RALGDS: variants seen among roughly 807,000 people sequenced by gnomAD.
The protein encoded by RALGDS is ral guanine nucleotide dissociation stimulator, also known as ral guanine nucleotide exchange factor.
In RALGDS, 44 loss-of-function variants were observed where a neutral mutation model predicts 99.8. The ratio of observed to expected loss-of-function variants is 0.44; its 90% CI spans 0.35 to 0.57. The LOEUF (loss-of-function observed/expected upper bound fraction) is 0.57, where lower values mean the gene tolerates loss of function less well. Ranked by LOEUF, RALGDS falls within the 20% of genes least tolerant of loss-of-function variation. RALGDS has a pLI of 0.01. For missense variants in RALGDS, 1,022 were observed against 1,203.1 expected, an observed-to-expected ratio of 0.85 and a Z score of 2.23; for synonymous variants, 529 against 505.0, an observed-to-expected ratio of 1.05 and a Z score of -0.64.
rs947669416 is a variant in RALGDS, at chr9:133,108,410, C to G, written c.779-4G>C. On this transcript the variant is annotated splice_region_variant and splice_polypyrimidine_tract_variant and intron_variant, in intron 5 of 17. Coordinates refer to ENST00000372050, the MANE Select transcript of RALGDS (RefSeq NM_006266.4). The stretch of plus-strand genomic sequence containing the variant: ...AGAGCTGGCACTGGTGACAGAGCTG[C>G]AAGAGGAGAAAAGTTCAACAACATG... 1.3e-6 allele frequency: 2 copies of G among 1,535,776 alleles called. No homozygotes were observed. Among genetic ancestry groups the G allele is most frequent in the African/African-American group, 2.7e-5 (2 of 73,136 alleles).
At chr9:133,143,894 A>T (rs1832579050) in intron 1 of RALGDS, among the ~76,000 whole-genome samples, 1 of 151,634 alleles carries the variant, frequency 6.6e-6, no homozygotes, top group Admixed American at 6.5e-5. Context: ...CCTTTCGCTG[A>T]TGCCATGTGA....
chr9:133,144,339 G>T lies in RALGDS; in HGVS notation c.18+4624C>A, dbSNP rs1832587740. Among the ~76,000 whole-genome samples, 1 of 151,952 alleles carries T rather than the reference G, an allele frequency of 6.6e-6. No homozygotes were observed. Among genetic ancestry groups the T allele is most frequent in the Non-Finnish European group, 1.5e-5 (1 of 67,976 alleles). On this transcript the variant is annotated intron_variant, in intron 1 of 17. Coordinates refer to the RALGDS transcript ENST00000393160. The surrounding 1 kb of genome is among the most constrained non-coding windows in gnomAD (Gnocchi z 4.5). ...TTCCTTTCCGCCCCGCTGACACCAC[G>T]GTCTGCAAACCATGGTCCTCCTCGC...
chr9:133,135,225 C>T (rs1456077615), upstream of RALGDS, among the ~76,000 whole-genome samples: 3 of 152,210 alleles, frequency 2.0e-5, no homozygotes, highest in Non-Finnish European at 4.4e-5. Context: ...ACAGGACACA[C>T]CTGCCAAGGC....
At chr9:133,102,314 C>T (rs1194898298) in intron 14 of RALGDS, among the ~76,000 whole-genome samples, 162 bp downstream of exon 14, 1 of 152,194 alleles carries the variant, frequency 6.6e-6, no homozygotes, top group East Asian at 1.9e-4. Flanking sequence ...GAGGAGGAAA[C>T]TGAGGCCCAA....
At chr9:133,115,693 C>T (rs887843819) in intron 1 of RALGDS, among the ~76,000 whole-genome samples, 5 of 152,168 alleles carry the variant, frequency 3.3e-5, no homozygotes, top group Admixed American at 6.5e-5. Flanking sequence ...GACCTGATGG[C>T]GTGGTACCGG....
chr9:133,109,092 C>T lies in RALGDS; in HGVS notation c.585-226G>A, dbSNP rs941758325. 3.3e-5 allele frequency among the ~76,000 whole-genome samples: 5 copies of T among 152,236 alleles called. No individual in the cohort carries two copies. In the South Asian group the frequency reaches 6.2e-4, roughly 19 times the overall value. On this transcript the variant is annotated intron_variant, in intron 4 of 17. Transcript: ENST00000372050. ...TGCATGTCTCCCAGCACCCCCTCCTCGCTGGAATGTAAACTCCATGAGGGA... is the reference window on the plus strand; with the variant it reads ...TGCATGTCTCCCAGCACCCCCTCCTTGCTGGAATGTAAACTCCATGAGGGA...
chr9:133,107,811 C>T (rs1393531097), intron 6 of RALGDS, among the ~76,000 whole-genome samples, 177 bp downstream of exon 6: 4 of 152,192 alleles, frequency 2.6e-5, no homozygotes, highest in Non-Finnish European at 5.9e-5. Context: ...CTCATCTCTA[C>T]TGTCCAGAGG....
At position 133,144,718 on chromosome 9, in the gene RALGDS, C is replaced by T. The variant is rs928341531; in HGVS notation, c.18+4245G>A. On this transcript the variant is annotated intron_variant, in intron 1 of 17. Coordinates refer to the RALGDS transcript ENST00000393160. This position sits in a 1 kb window ranked among gnomAD's most constrained non-coding sequence, Gnocchi z 4.5. ...GATGTCTTCCGACTCCCCGCTGCTC[C>T]CCTAGTCCCCGTAGGCACGCGGGTA... Among the ~76,000 whole-genome samples the T allele has an allele frequency of 3.3e-5, 5 of 152,236 alleles. No homozygotes were observed. Among genetic ancestry groups the T allele is most frequent in the African/African-American group, 9.6e-5 (4 of 41,466 alleles).
At chr9:133,119,323 C>T (rs567855207) in intron 1 of RALGDS, among the ~76,000 whole-genome samples, 1 of 151,292 alleles carries the variant, frequency 6.6e-6, no homozygotes, top group South Asian at 2.1e-4. Context: ...CTCCCTTGGG[C>T]CCTTGGTAAA....
At chr9:133,141,163 T>C (rs1341230844) in intron 1 of RALGDS, among the ~76,000 whole-genome samples, 3 of 150,926 alleles carry the variant, frequency 2.0e-5, no homozygotes, top group Non-Finnish European at 4.4e-5. Flanking sequence ...GCACCGGGAG[T>C]TCCTGCAGAG....
chr9:133,149,025 G>A (rs954016705), exon 1 of RALGDS: 3 of 1,512,360 alleles, frequency 2.0e-6, no homozygotes, highest in African/African-American at 1.4e-5. Context: ...CGGGACCCGG[G>A]GCTCGCAGAG....
chr9:133,123,819 G>C (rs1288455161), upstream of RALGDS, among the ~76,000 whole-genome samples: 1 of 30,384 alleles, frequency 3.3e-5, no homozygotes, highest in African/African-American at 8.9e-5. Flanking sequence ...CACACAGAGA[G>C]ACAGAGACAC....
Position 133,144,862 on chromosome 9 carries a change from G to A in RALGDS, c.18+4101C>T, listed in dbSNP as rs1329947827. Among the ~76,000 whole-genome samples the A allele has an allele frequency of 6.6e-6, 1 of 152,220 alleles. No individual in the cohort carries two copies. Among genetic ancestry groups the A allele is most frequent in the Admixed American group, 6.5e-5 (1 of 15,286 alleles). On this transcript the variant is annotated intron_variant, in intron 1 of 17. Transcript: ENST00000393160. The surrounding 1 kb of genome is among the most constrained non-coding windows in gnomAD (Gnocchi z 4.5). ...TCTTATTTGGAAATAGGGTCTGTGCGGATAGAATCCGGATGAGGTCATACT... is the reference window on the plus strand; with the variant it reads ...TCTTATTTGGAAATAGGGTCTGTGCAGATAGAATCCGGATGAGGTCATACT...
chr9:133,121,290 G>C, upstream of RALGDS: 1 of 911,064 alleles, frequency 1.1e-6, no homozygotes, highest in Non-Finnish European at 1.3e-6. Context: ...GGCGGGGCCG[G>C]AGGGGAAGAG....
chr9:133,114,985 G>C (rs1164100463), intron 1 of RALGDS, among the ~76,000 whole-genome samples: 1 of 152,236 alleles, frequency 6.6e-6, no homozygotes, highest in Non-Finnish European at 1.5e-5. Context: ...ACAGGGCCTG[G>C]TGGTGTCTGG....
chr9:133,102,941 C>T lies in RALGDS; in HGVS notation c.1792-41G>A, dbSNP rs374025836. 407 of 1,609,590 alleles carry T rather than the reference C, an allele frequency of 2.5e-4. 1 individual carries two copies. The highest frequency in any genetic ancestry group is 2.6e-4 in the Non-Finnish European group (302 of 1,179,344). On this transcript the variant is annotated intron_variant, in intron 12 of 17. Coordinates refer to ENST00000372050, the MANE Select transcript of RALGDS (RefSeq NM_006266.4). ...AGCACAGGGCGGTGACAAGGCCCCC[C>T]GGGCAGCACAGGGGCCAGTCTCTGG...
In RALGDS at chr9:133,105,825, G is replaced by GCC; in HGVS notation, c.1602+105_1602+106dup. ...GCGAATGCCACCGCCCGCCGCCCCA[G>GCC]CCCCCGCCCCAGCCCCCGCCCCAGC... On this transcript the variant is annotated intron_variant, in intron 9 of 17. Transcript: ENST00000372050. 8.0e-5 allele frequency: 7 copies of GCC among 87,590 alleles called. 1 individual carries two copies. The highest frequency in any genetic ancestry group is 2.2e-4 in the South Asian group (2 of 9,004). The allele number at this position is 87,590 out of a possible 1,614,324, so 5.4% of individuals were successfully genotyped here. A position where few individuals can be genotyped will look rare whatever the true frequency, so the allele number is the denominator to read the frequency against.
At chr9:133,148,778 G>A (rs963707311) in intron 1 of RALGDS, among the ~76,000 whole-genome samples, 1 of 152,160 alleles carries the variant, frequency 6.6e-6, no homozygotes, top group African/African-American at 2.4e-5. Flanking sequence ...TGTGCCCCGG[G>A]CGAGTCCCTG....
rs769616706 is a variant in RALGDS at position 133,102,799 on chromosome 9, C to T, written c.1893G>A (p.Glu631=). The T allele has an allele frequency of 4.3e-6, 7 of 1,612,898 alleles. No individual in the cohort carries two copies. The highest frequency in any genetic ancestry group is 4.0e-5 in the African/African-American group (3 of 74,934). The change falls in exon 13 of 18, where the codon GAG becomes GAA. Residue 631 remains glutamate (E), a synonymous_variant. Transcript: ENST00000372050. ...EQFGAWFRAV[E]RLSETESYNL... is the part of the protein sequence containing the mutation. Reference sequence around the variant, plus strand: ...CTCACCTCTCAGTCTCGCTGAGCCGCTCCACGGCCCGGAACCAGGCCCCAA... The same window carrying T: ...CTCACCTCTCAGTCTCGCTGAGCCGTTCCACGGCCCGGAACCAGGCCCCAA...
Sources: gnomAD v4.1 joint callset for allele counts (sites outside exome capture counted in the v4.1 genomes callset) on GRCh38, gnomAD v4.1.1 for gene constraint, Gnocchi (gnomAD v3.1) non-coding constraint, MANE v1.5 for transcripts, NCBI Gene and HGNC (gene_info 2026-07-23, HGNC 2026-07-21) for gene names.